NPLOC4: variants seen among roughly 807,000 people sequenced by gnomAD.
NPLOC4 encodes the protein nuclear protein localization protein 4 homolog.
In NPLOC4, 18 loss-of-function variants were observed where a neutral mutation model predicts 80.6. The ratio of observed to expected loss-of-function variants is 0.22; its 90% CI spans 0.15 to 0.33. The LOEUF is 0.33. Ranked by LOEUF, NPLOC4 falls within the 10% of genes least tolerant of loss-of-function variation. The pLI, the probability that NPLOC4 is intolerant of heterozygous loss-of-function variation, is 1.00. For missense variants in NPLOC4, 540 were observed against 786.1 expected, an observed-to-expected ratio of 0.69 and a Z score of 3.74; for synonymous variants, 313 against 301.5, an observed-to-expected ratio of 1.04 and a Z score of -0.39.
intron 8 of NPLOC4, among the ~76,000 whole-genome samples, chr17:81,602,587 C>A (rs146999057): frequency 1 from 151,518 of 152,038 alleles, 75,499 homozygotes; most frequent in Middle Eastern, 1. Context: ...CTGTAATCCC[C>A]GCTATTCAGG....
intron 6 of NPLOC4, 108 bp downstream of exon 6, chr17:81,608,620 C>G (rs1448729984): frequency 1.4e-6 from 1 of 739,850 alleles, no homozygotes; most frequent in Non-Finnish European, 2.4e-6. Context: ...GCGTGTGACC[C>G]CTTCTCATCT....
At chr17:81,610,160 A>G in intron 5 of NPLOC4, 50 bp downstream of exon 5, 1 of 1,523,240 alleles carries the variant, frequency 6.6e-7, no homozygotes, top group Non-Finnish European at 8.9e-7. Flanking sequence ...ACAGCTGTCT[A>G]CCCGCAGCCC....
chr17:81,579,872 AC>A (rs1048155888), intron 12 of NPLOC4, among the ~76,000 whole-genome samples: 1 of 127,034 alleles, frequency 7.9e-6, no homozygotes, highest in South Asian at 2.3e-4. Flanking sequence ...ATGTGAGCTC[AC>A]CCCCCATTCT....
chr17:81,621,844 T>C (rs1270609777), intron 3 of NPLOC4, among the ~76,000 whole-genome samples: 1 of 152,224 alleles, frequency 6.6e-6, no homozygotes, highest in African/African-American at 2.4e-5. Flanking sequence ...GGCACACAGC[T>C]GTGTTCAAGG....
At chr17:81,610,958 CAAA>C (rs1243703301) in intron 4 of NPLOC4, among the ~76,000 whole-genome samples, 1 of 15,992 alleles carries the variant, frequency 6.3e-5, no homozygotes, top group East Asian at 8.9e-4. Flanking sequence ...GACTCCGTCT[CAAA>C]AAAAAAAAAA....
intron 12 of NPLOC4, among the ~76,000 whole-genome samples, chr17:81,582,917 C>T (rs2034481831): frequency 1.3e-5 from 2 of 152,356 alleles, no homozygotes; most frequent in South Asian, 2.1e-4. Context: ...GCCAGCCTCC[C>T]GATTCGAAGA....
chr17:81,566,161 G>A (rs373711703), intron 15 of NPLOC4, among the ~76,000 whole-genome samples: 1 of 152,080 alleles, frequency 6.6e-6, no homozygotes, highest in African/African-American at 2.4e-5. Flanking sequence ...GCGAAACCCC[G>A]TCTCTACTAA....
At chr17:81,629,594 G>C (rs2035880702) in intron 2 of NPLOC4, 131 bp downstream of exon 2, 3 of 690,996 alleles carry the variant, frequency 4.3e-6, no homozygotes, top group Admixed American at 4.6e-5. Flanking sequence ...AACTGTGATA[G>C]AGAAAGGCAA....
intron 3 of NPLOC4, among the ~76,000 whole-genome samples, chr17:81,619,970 G>A (rs925380393): frequency 9.9e-5 from 15 of 152,188 alleles, no homozygotes; most frequent in Middle Eastern, 3.4e-3. Flanking sequence ...GCTTTGCATC[G>A]GCAGGAAATC....
chr17:81,575,341 T>C (rs983647115), intron 12 of NPLOC4, among the ~76,000 whole-genome samples: 1 of 152,218 alleles, frequency 6.6e-6, no homozygotes, highest in African/African-American at 2.4e-5. Context: ...GACCTCATGA[T>C]CCACCCGCCT....
intron 11 of NPLOC4, among the ~76,000 whole-genome samples, chr17:81,591,478 TCTGGTGTTTAGA>T (rs1327715481): frequency 1.7e-3 from 222 of 129,728 alleles, no homozygotes; most frequent in African/African-American, 6.1e-3. Context: ...AAAAACCTGC[TCTGGTGTTTAGA>T]CTGGTCATTA....
At chr17:81,627,068 C>T (rs540324994) in intron 2 of NPLOC4, among the ~76,000 whole-genome samples, 18 of 149,650 alleles carry the variant, frequency 1.2e-4, no homozygotes, top group East Asian at 7.9e-4. Flanking sequence ...CCAGCTTGGG[C>T]GACACAATGA....
At chr17:81,569,638 G>T (rs1023083341) in intron 13 of NPLOC4, among the ~76,000 whole-genome samples, 4 of 152,196 alleles carry the variant, frequency 2.6e-5, no homozygotes, top group African/African-American at 9.6e-5. Context: ...TGAATGCTGG[G>T]AGCCACTCCA....
chr17:81,597,273 T>C lies in NPLOC4; in HGVS notation c.965A>G (p.Lys322Arg). The C allele has an allele frequency of 6.2e-7, 1 of 1,613,584 alleles. No individual in the cohort carries two copies. ...FTDLVSEDTRKGTVRYSRNKD... is the reference protein window; with the variant it reads ...FTDLVSEDTRRGTVRYSRNKD... ...ATTTCGACTGTAGCGGACGGTACCC[T>C]TTCGGGTATCTTCTGAGACGAGGTC... The change falls in exon 10 of 17, where the codon AAG becomes AGG. Residue 322 changes from lysine to arginine, a missense_variant. Lys to Arg is a conservative substitution (Grantham distance 26). Transcript: ENST00000331134.
At chr17:81,559,807 A>G (rs2144000912) in intron 16 of NPLOC4, among the ~76,000 whole-genome samples, 1 of 136,880 alleles carries the variant, frequency 7.3e-6, no homozygotes, top group African/African-American at 2.8e-5. Flanking sequence ...ATCTCGGCTC[A>G]CTGCAACCTC....
chr17:81,618,093 G>C (rs553210000), intron 3 of NPLOC4, among the ~76,000 whole-genome samples: 4 of 152,196 alleles, frequency 2.6e-5, no homozygotes, highest in African/African-American at 7.2e-5. Context: ...TCTGGGAAGT[G>C]AGGAGCCTCT....
At chr17:81,616,546 C>A (rs555878558) in intron 3 of NPLOC4, among the ~76,000 whole-genome samples, 1 of 151,472 alleles carries the variant, frequency 6.6e-6, no homozygotes, top group Admixed American at 6.6e-5. Context: ...CTGGCTAACA[C>A]GGTGAAACCC....
At chr17:81,636,382 G>C (rs1180921120) in intron 1 of NPLOC4, 1 of 152,454 alleles carries the variant, frequency 6.6e-6, no homozygotes, top group Non-Finnish European at 1.5e-5. Flanking sequence ...GCAAGTTACT[G>C]TGTTTTCATT....
chr17:81,597,374 G>C, intron 9 of NPLOC4, 58 bp from the exon 10 acceptor site: 1 of 1,381,116 alleles, frequency 7.2e-7, no homozygotes, highest in Non-Finnish European at 1.0e-6. Flanking sequence ...TGAATGGCTG[G>C]GCGCAGTGAC....
Sources: allele counts gnomAD v4.1 joint callset (sites outside exome capture counted in the v4.1 genomes callset), GRCh38; gene constraint gnomAD v4.1.1; transcripts MANE v1.5; gene names NCBI Gene and HGNC (gene_info 2026-07-23, HGNC 2026-07-21).